The following KLHL2 variants were observed in gnomAD, a reference collection of about 807,000 sequenced individuals.
KLHL2 encodes the protein kelch-like protein 2.
In KLHL2, 15 loss-of-function variants were observed where a neutral mutation model predicts 75.8. The observed-to-expected ratio is 0.20, with a 90% CI of 0.13 to 0.30. The LOEUF (loss-of-function observed/expected upper bound fraction) is 0.30. KLHL2 is among the 10% of genes least tolerant of loss of function. The probability of loss-of-function intolerance (pLI) is 1.00; values close to 1 mark genes in which losing one functional copy is unlikely to be tolerated. For synonymous variants in KLHL2, 214 were observed against 251.9 expected, an observed-to-expected ratio of 0.85 and a Z score of 1.42; for missense variants, 381 against 741.0, an observed-to-expected ratio of 0.51 and a Z score of 5.64.
intron 4 of KLHL2, among the ~76,000 whole-genome samples, chr4:165,249,183 C>A (rs1740488599): frequency 6.6e-6 from 1 of 152,224 alleles, no homozygotes; most frequent in African/African-American, 2.4e-5. Context: ...GGGGGTTAGA[C>A]ATCGCTTGCC....
chr4:165,306,857 T>C (rs1438379663), intron 9 of KLHL2, among the ~76,000 whole-genome samples: 1 of 152,238 alleles, frequency 6.6e-6, no homozygotes. Flanking sequence ...TTTGTGCTAT[T>C]TTTGCCATGT....
chr4:165,316,301 C>T (rs1746584995), intron 13 of KLHL2, among the ~76,000 whole-genome samples: 1 of 152,164 alleles, frequency 6.6e-6, no homozygotes. Flanking sequence ...TCCATCATAG[C>T]AGGGCCATTT....
At chr4:165,307,623 TGAG>T (rs1205347507) in intron 9 of KLHL2, among the ~76,000 whole-genome samples, 2 of 152,208 alleles carry the variant, frequency 1.3e-5, no homozygotes, top group East Asian at 3.9e-4. Flanking sequence ...CTTGATTCTT[TGAG>T]GAGGACTGGT....
chr4:165,278,180 G>A (rs1197910744), intron 5 of KLHL2: 1 of 1,320,876 alleles, frequency 7.6e-7, no homozygotes, highest in African/African-American at 1.4e-5. Context: ...ATTAATCTGA[G>A]GTTCAAACCG....
intron 4 of KLHL2, among the ~76,000 whole-genome samples, chr4:165,242,611 C>T (rs923225678): frequency 6.6e-6 from 1 of 152,146 alleles, no homozygotes; most frequent in African/African-American, 2.4e-5. Flanking sequence ...ATTCTCCCAC[C>T]TCAGCCTTCC....
chr4:165,222,826 G>C (rs1204528678), intron 2 of KLHL2, among the ~76,000 whole-genome samples: 2 of 152,146 alleles, frequency 1.3e-5, no homozygotes, highest in Non-Finnish European at 2.9e-5. Flanking sequence ...AAACTTCCTT[G>C]TTCTCACCAC....
At chr4:165,244,155 T>C (rs905087841) in intron 4 of KLHL2, among the ~76,000 whole-genome samples, 3 of 152,218 alleles carry the variant, frequency 2.0e-5, no homozygotes, top group African/African-American at 4.8e-5. Context: ...CCGTGTCTAA[T>C]TGGATTGAAA....
At chr4:165,281,542 C>G (rs112154683) in intron 5 of KLHL2, among the ~76,000 whole-genome samples, 2 of 152,268 alleles carry the variant, frequency 1.3e-5, no homozygotes, top group African/African-American at 4.8e-5. Flanking sequence ...GTCTCGATCT[C>G]CTGACCTCGT....
At chr4:165,266,739 G>A (rs528366651) in intron 5 of KLHL2, among the ~76,000 whole-genome samples, 95 of 152,302 alleles carry the variant, frequency 6.2e-4, no homozygotes, top group Non-Finnish European at 1.2e-3. Flanking sequence ...AGTATACTTT[G>A]AAGTCAGGTA....
At chr4:165,296,095 G>T (rs1164910290) in intron 6 of KLHL2, among the ~76,000 whole-genome samples, 1 of 152,178 alleles carries the variant, frequency 6.6e-6, no homozygotes, top group Non-Finnish European at 1.5e-5. Context: ...GCTTGTCTCT[G>T]CTCCACAGTG....
chr4:165,211,471 T>C (rs1265860108), intron 1 of KLHL2, among the ~76,000 whole-genome samples: 1 of 152,236 alleles, frequency 6.6e-6, no homozygotes, highest in African/African-American at 2.4e-5. Flanking sequence ...CCTTTAATGT[T>C]CTTTCTAAGA....
intron 3 of KLHL2, among the ~76,000 whole-genome samples, chr4:165,232,393 A>G (rs547113102): frequency 1.3e-5 from 2 of 150,566 alleles, no homozygotes; most frequent in African/African-American, 2.4e-5. Context: ...CACCACTGCA[A>G]TCCAGCCTGG....
At chr4:165,313,478 T>C (rs1052001070) in intron 12 of KLHL2, 112 bp downstream of exon 12, 6 of 925,954 alleles carry the variant, frequency 6.5e-6, no homozygotes, top group Admixed American at 3.3e-5. Context: ...GATATGCTGA[T>C]TTTAGTGGCA....
chr4:165,258,878 T>G (rs1741420342), intron 4 of KLHL2, among the ~76,000 whole-genome samples: 1 of 152,204 alleles, frequency 6.6e-6, no homozygotes, highest in African/African-American at 2.4e-5. Flanking sequence ...ATCTCCTAAA[T>G]CAGGGTTTTC....
At chr4:165,226,582 G>A (rs1013201383) in intron 2 of KLHL2, among the ~76,000 whole-genome samples, 1 of 151,940 alleles carries the variant, frequency 6.6e-6, no homozygotes, top group African/African-American at 2.4e-5. Context: ...GGCAGAGATG[G>A]TCTTGCAGTA....
At chr4:165,313,733 T>C (rs1437261651) in intron 12 of KLHL2, among the ~76,000 whole-genome samples, 1 of 152,170 alleles carries the variant, frequency 6.6e-6, no homozygotes, top group African/African-American at 2.4e-5. Context: ...GATATTGTTT[T>C]CAAAAGGATT....
intron 4 of KLHL2, among the ~76,000 whole-genome samples, chr4:165,245,699 A>G (rs1740208048): frequency 6.6e-6 from 1 of 152,158 alleles, no homozygotes; most frequent in Non-Finnish European, 1.5e-5. Flanking sequence ...GGTATTGGTC[A>G]GGATTAGTTT....
At chr4:165,223,912 A>G (rs1738211931) in intron 2 of KLHL2, 1 of 448,978 alleles carries the variant, frequency 2.2e-6, no homozygotes. Context: ...ACCCCAGGTA[A>G]GTTTTTTCTT....
chr4:165,320,926 G>A (rs1746927929), intron 14 of KLHL2, among the ~76,000 whole-genome samples: 1 of 152,200 alleles, frequency 6.6e-6, no homozygotes. Flanking sequence ...ACTCGACGGA[G>A]ATGAGTGCTT....
Sources: gnomAD v4.1 joint callset for allele counts (sites outside exome capture counted in the v4.1 genomes callset) on GRCh38, gnomAD v4.1.1 for gene constraint, MANE v1.5 for transcripts, NCBI Gene and HGNC (gene_info 2026-07-23, HGNC 2026-07-21) for gene names.